SYNPR: variants seen among roughly 807,000 people sequenced by gnomAD.
SYNPR encodes synaptoporin.
SYNPR carries 23 observed loss-of-function variants against 32.9 expected under a neutral mutation model. The observed-to-expected ratio is 0.70, with a 90% CI of 0.50 to 0.99. The LOEUF is 0.99. Ranked by LOEUF, SYNPR falls within the 50% of genes least tolerant of loss-of-function variation. The probability of loss-of-function intolerance (pLI) is 0.00; values close to 1 mark genes in which losing one functional copy is unlikely to be tolerated. For synonymous variants in SYNPR, 146 were observed against 135.9 expected, an observed-to-expected ratio of 1.07 and a Z score of -0.52; for missense variants, 318 against 349.3, an observed-to-expected ratio of 0.91 and a Z score of 0.71.
intron 2 of SYNPR, among the ~76,000 whole-genome samples, chr3:63,416,282 G>C (rs2107124553): frequency 6.6e-6 from 1 of 152,308 alleles, no homozygotes; most frequent in East Asian, 1.9e-4. Context: ...TGTAATCCCA[G>C]CACTTTGGGA....
chr3:63,426,578 A>G (rs1033631289), intron 2 of SYNPR: 1 of 152,168 alleles, frequency 6.6e-6, no homozygotes, highest in African/African-American at 2.4e-5. Flanking sequence ...TCATGAACAT[A>G]CTTCTCCATA....
At chr3:63,432,909 C>A (rs1257827454) in intron 2 of SYNPR, among the ~76,000 whole-genome samples, 2 of 152,174 alleles carry the variant, frequency 1.3e-5, no homozygotes, top group Non-Finnish European at 2.9e-5. Context: ...GAAAAGGGAG[C>A]TGGGGGAGTT....
At chr3:63,597,798 C>T (rs963615679) in intron 4 of SYNPR, among the ~76,000 whole-genome samples, 5 of 152,202 alleles carry the variant, frequency 3.3e-5, no homozygotes, top group Admixed American at 1.3e-4. Flanking sequence ...AGTCAGTTGT[C>T]ATTATTATTA....
At chr3:63,566,948 C>T (rs1266091121) in intron 4 of SYNPR, among the ~76,000 whole-genome samples, 1 of 152,186 alleles carries the variant, frequency 6.6e-6, no homozygotes, top group Non-Finnish European at 1.5e-5. Context: ...TCTCATTGGA[C>T]TGATCAGCTG....
Position 63,611,786 on chromosome 3 carries a change from T to G in SYNPR, c.600+2470T>G, listed in dbSNP as rs569714770. The stretch of plus-strand genomic sequence containing the variant: ...ACGGCTTGGACTGAATGAAAATCAC[T>G]CAGGTCCAGTTGCAAATTTCTGGTA... On this transcript the variant is annotated intron_variant, in intron 5 of 5. Coordinates refer to ENST00000478300, the MANE Select transcript of SYNPR (RefSeq NM_001130003.2). Among the ~76,000 whole-genome samples, 13 of 152,346 alleles carry G rather than the reference T, an allele frequency of 8.5e-5. No individual in the cohort carries two copies. The South Asian group carries it at 2.7e-3, about 32-fold the overall frequency.
At chr3:63,211,574 C>A in the SYNPR span, among the ~76,000 whole-genome samples, 1 of 152,128 alleles carries the variant, frequency 6.6e-6, no homozygotes, top group Non-Finnish European at 1.5e-5. Context: ...CGGTAGATGA[C>A]AAGGACTTTA....
intron 2 of SYNPR, among the ~76,000 whole-genome samples, chr3:63,429,423 G>T (rs941265569): frequency 6.6e-6 from 1 of 152,154 alleles, no homozygotes; most frequent in Non-Finnish European, 1.5e-5. Flanking sequence ...TAGCACTTCT[G>T]CTCACTCTGC....
At chr3:63,547,750 G>A (rs751160631) in intron 3 of SYNPR, among the ~76,000 whole-genome samples, 1 of 152,128 alleles carries the variant, frequency 6.6e-6, no homozygotes, top group Non-Finnish European at 1.5e-5. Flanking sequence ...CACTGTTTTT[G>A]TATGGGAGGT....
intron 2 of SYNPR, among the ~76,000 whole-genome samples, chr3:63,441,447 A>C (rs1270941844): frequency 6.6e-6 from 1 of 152,058 alleles, no homozygotes; most frequent in Non-Finnish European, 1.5e-5. Flanking sequence ...CCCTACTCTG[A>C]CTCTGCCCCT....
At chr3:63,456,341 G>C (rs1398701120) in intron 2 of SYNPR, among the ~76,000 whole-genome samples, 2 of 152,072 alleles carry the variant, frequency 1.3e-5, no homozygotes, top group African/African-American at 2.4e-5. Context: ...CACACTCCGA[G>C]CAAGGAGCAT....
chr3:63,529,320 G>C (rs1397289334), intron 3 of SYNPR, among the ~76,000 whole-genome samples: 1 of 152,206 alleles, frequency 6.6e-6, no homozygotes, highest in South Asian at 2.1e-4. Context: ...GTAAATAGCT[G>C]TTATAATGTA....
intron 3 of SYNPR, among the ~76,000 whole-genome samples, chr3:63,497,651 G>A (rs993820546): frequency 2.6e-5 from 4 of 151,826 alleles, no homozygotes; most frequent in Admixed American, 2.0e-4. Flanking sequence ...GGTCTTTAGA[G>A]ATGGAATTCA....
chr3:63,401,996 G>A (rs1455412656), intron 2 of SYNPR, among the ~76,000 whole-genome samples: 1 of 152,140 alleles, frequency 6.6e-6, no homozygotes, highest in Non-Finnish European at 1.5e-5. Context: ...CTGATCCTAA[G>A]AGAGATGCAT....
At chr3:63,553,998 AGGCG>A (rs1387608621) in intron 3 of SYNPR, among the ~76,000 whole-genome samples, 2 of 152,242 alleles carry the variant, frequency 1.3e-5, no homozygotes, top group Non-Finnish European at 2.9e-5. Context: ...CTGGGATTAC[AGGCG>A]TGAGCCACCA....
chr3:63,490,962 C>T (rs1701247677), intron 3 of SYNPR, among the ~76,000 whole-genome samples: 2 of 152,058 alleles, frequency 1.3e-5, no homozygotes, highest in Non-Finnish European at 2.9e-5. Flanking sequence ...TGGGGTTTCA[C>T]CATGTTGGCA....
intron 2 of SYNPR, among the ~76,000 whole-genome samples, chr3:63,340,394 T>A (rs1029576169): frequency 2.0e-5 from 3 of 151,210 alleles, no homozygotes; most frequent in African/African-American, 7.3e-5. Flanking sequence ...ACCACCTAGA[T>A]TCTACCATTA....
At chr3:63,578,088 G>A (rs987133789) in intron 4 of SYNPR, among the ~76,000 whole-genome samples, 1 of 152,136 alleles carries the variant, frequency 6.6e-6, no homozygotes, top group Non-Finnish European at 1.5e-5. Flanking sequence ...TAGAAGCGAA[G>A]TGTTTTTATT....
At chr3:63,380,391 G>A (rs2087950843) in intron 2 of SYNPR, among the ~76,000 whole-genome samples, 2 of 152,188 alleles carry the variant, frequency 1.3e-5, no homozygotes, top group South Asian at 4.1e-4. Flanking sequence ...TAACTGGTGT[G>A]AGATGGTATC....
chr3:63,252,389 G>A (rs970930135), intron 1 of SYNPR: 1 of 152,140 alleles, frequency 6.6e-6, no homozygotes, highest in Non-Finnish European at 1.5e-5. Flanking sequence ...CATTTATGAA[G>A]CATTTATTTC....
Sources: gnomAD v4.1 joint callset for allele counts (sites outside exome capture counted in the v4.1 genomes callset) on GRCh38, gnomAD v4.1.1 for gene constraint, MANE v1.5 for transcripts, NCBI Gene and HGNC (gene_info 2026-07-23, HGNC 2026-07-21) for gene names.